The following DENND1A variants were observed in gnomAD, a reference collection of about 807,000 sequenced individuals.
DENND1A encodes DENN domain containing 1A.
A neutral mutation model predicts 113.7 loss-of-function variants in DENND1A; 51 were observed. The ratio of observed to expected loss-of-function variants is 0.45; its 90% CI spans 0.36 to 0.57. DENND1A has a LOEUF of 0.57. Among genes scored for constraint, DENND1A ranks in the 20% least tolerant of loss-of-function variants. The probability of loss-of-function intolerance (pLI) is 0.00; values close to 1 mark genes in which losing one functional copy is unlikely to be tolerated. For missense variants in DENND1A, 1,258 were observed against 1,395.9 expected, an observed-to-expected ratio of 0.90 and a Z score of 1.57; for synonymous variants, 565 against 570.8, an observed-to-expected ratio of 0.99 and a Z score of 0.14.
intron 7 of DENND1A, among the ~76,000 whole-genome samples, chr9:123,669,982 C>T (rs543443510): frequency 1.4e-4 from 22 of 152,290 alleles, no homozygotes; most frequent in Admixed American, 4.6e-4. Context: ...ATTAACTACA[C>T]GACCTTGGAA....
intron 5 of DENND1A, among the ~76,000 whole-genome samples, chr9:123,714,388 G>A (rs962844617): frequency 2.0e-5 from 3 of 152,138 alleles, no homozygotes; most frequent in African/African-American, 7.2e-5. Flanking sequence ...GATCACTTAA[G>A]GTCAGGAGTT....
intron 8 of DENND1A, among the ~76,000 whole-genome samples, chr9:123,657,688 G>T (rs2063029880): frequency 6.6e-6 from 1 of 151,952 alleles, no homozygotes; most frequent in South Asian, 2.1e-4. Context: ...TTTTGTCAGT[G>T]GGTCTTGTTT....
intron 13 of DENND1A, among the ~76,000 whole-genome samples, chr9:123,505,517 T>G (rs962304171): frequency 6.6e-5 from 10 of 152,196 alleles, no homozygotes; most frequent in African/African-American, 2.4e-4. Context: ...GATATTGTAT[T>G]TGGGGGGAAA....
chr9:123,460,921 T>C (rs2048475011), intron 13 of DENND1A, among the ~76,000 whole-genome samples: 1 of 152,236 alleles, frequency 6.6e-6, no homozygotes, highest in Admixed American at 6.5e-5. Context: ...TGGTGTCTGT[T>C]TTGTTCAACA....
At chr9:123,672,041 A>G (rs1473595879) in intron 6 of DENND1A, among the ~76,000 whole-genome samples, 1 of 152,182 alleles carries the variant, frequency 6.6e-6, no homozygotes, top group Admixed American at 6.5e-5. Flanking sequence ...TAATACTGAT[A>G]AGTGTATATT....
At chr9:123,535,603 T>C (rs559664102) in intron 13 of DENND1A, among the ~76,000 whole-genome samples, 28 of 152,206 alleles carry the variant, frequency 1.8e-4, no homozygotes, top group Non-Finnish European at 4.1e-4. Context: ...CAGGCCAAAC[T>C]TGTGTCTACC....
intron 5 of DENND1A, among the ~76,000 whole-genome samples, chr9:123,755,051 A>G (rs531865291): frequency 6.6e-6 from 1 of 151,468 alleles, no homozygotes; most frequent in East Asian, 1.9e-4. Flanking sequence ...AAGCCTCACC[A>G]CCTCCAAATG....
chr9:123,913,639 C>T (rs1854479078), intron 1 of DENND1A, among the ~76,000 whole-genome samples: 1 of 152,186 alleles, frequency 6.6e-6, no homozygotes, highest in Non-Finnish European at 1.5e-5. Flanking sequence ...GGCATGGTGG[C>T]TCACGCCTGT....
intron 12 of DENND1A, among the ~76,000 whole-genome samples, chr9:123,582,375 C>T (rs947439404): frequency 6.6e-6 from 1 of 151,992 alleles, no homozygotes; most frequent in African/African-American, 2.4e-5. Context: ...TCAAAATAGA[C>T]TCAAGAAATA....
intron 10 of DENND1A, among the ~76,000 whole-genome samples, chr9:123,627,035 C>A (rs1363230803): frequency 2.0e-5 from 3 of 152,214 alleles, no homozygotes; most frequent in Non-Finnish European, 2.9e-5. Flanking sequence ...ATGTCCCCCT[C>A]TTCTTGCCAG....
At chr9:123,875,084 G>A (rs1253820929) in intron 2 of DENND1A, among the ~76,000 whole-genome samples, 1 of 152,138 alleles carries the variant, frequency 6.6e-6, no homozygotes, top group Admixed American at 6.5e-5. Context: ...ACACAACACG[G>A]AAGACCCTTT....
chr9:123,605,761 A>C (rs2060128033), intron 11 of DENND1A, among the ~76,000 whole-genome samples: 1 of 152,222 alleles, frequency 6.6e-6, no homozygotes, highest in Admixed American at 6.5e-5. Flanking sequence ...ATAACAATGC[A>C]AGTTTGTAAT....
intron 13 of DENND1A, among the ~76,000 whole-genome samples, chr9:123,530,736 G>C (rs1045524740): frequency 6.6e-6 from 1 of 152,154 alleles, no homozygotes; most frequent in Non-Finnish European, 1.5e-5. Context: ...ACGACCCTCA[G>C]TGTATACCTG....
intron 3 of DENND1A, among the ~76,000 whole-genome samples, chr9:123,772,679 C>A (rs1157292343): frequency 2.0e-5 from 3 of 152,138 alleles, no homozygotes. Flanking sequence ...TTTCACAAAT[C>A]TTTTTATGTA....
At chr9:123,505,419 C>T (rs1456725420) in intron 13 of DENND1A, among the ~76,000 whole-genome samples, 4 of 152,186 alleles carry the variant, frequency 2.6e-5, no homozygotes, top group African/African-American at 4.8e-5. Context: ...AAGCACCCTC[C>T]ACATTTTGAG....
intron 3 of DENND1A, among the ~76,000 whole-genome samples, chr9:123,784,724 A>T (rs1213216109): frequency 6.6e-6 from 1 of 152,182 alleles, no homozygotes; most frequent in Non-Finnish European, 1.5e-5. Flanking sequence ...CTGGAGTCAG[A>T]TTCAAATAAG....
intron 9 of DENND1A, among the ~76,000 whole-genome samples, chr9:123,650,383 C>A (rs2062581217): frequency 1.3e-5 from 2 of 152,196 alleles, no homozygotes; most frequent in African/African-American, 2.4e-5. Flanking sequence ...TTATTAGGTG[C>A]CTTTTATTCA....
chr9:123,594,623 C>T (rs1479965880), intron 11 of DENND1A, among the ~76,000 whole-genome samples: 1 of 151,268 alleles, frequency 6.6e-6, no homozygotes, highest in African/African-American at 2.4e-5. Flanking sequence ...ACTAAAATTC[C>T]CAGGGAGGGG....
chr9:123,605,545 T>C (rs1248504278), intron 11 of DENND1A, among the ~76,000 whole-genome samples: 1 of 152,250 alleles, frequency 6.6e-6, no homozygotes, highest in Non-Finnish European at 1.5e-5. Flanking sequence ...CCTTGGCTAT[T>C]CTGCTAACAT....
Sources: allele counts gnomAD v4.1 joint callset (sites outside exome capture counted in the v4.1 genomes callset), GRCh38; gene constraint gnomAD v4.1.1; transcripts MANE v1.5; gene names NCBI Gene and HGNC (gene_info 2026-07-23, HGNC 2026-07-21).